The following DACH2 variants were observed in gnomAD, a reference collection of about 807,000 sequenced individuals.
DACH2 encodes the protein dachshund family transcription factor 2, also known as dachshund homolog 2.
In DACH2, 17 loss-of-function variants were observed where a neutral mutation model predicts 35.8. The ratio of observed to expected loss-of-function variants is 0.48; its 90% CI spans 0.33 to 0.71. The LOEUF is 0.71. DACH2 is among the 30% of genes least tolerant of loss of function. The probability of loss-of-function intolerance (pLI) is 0.02; values close to 1 mark genes in which losing one functional copy is unlikely to be tolerated. For synonymous variants in DACH2, 195 were observed against 177.3 expected, an observed-to-expected ratio of 1.10 and a Z score of -0.79; for missense variants, 469 against 472.7, an observed-to-expected ratio of 0.99 and a Z score of 0.07.
intron 4 of DACH2, among the ~76,000 whole-genome samples, chrX:86,671,825 T>C (rs1028806734): frequency 2.7e-5 from 3 of 111,829 alleles, no homozygotes; most frequent in African/African-American, 9.7e-5. Context: ...AACTGGGTAA[T>C]GGGCAGAGGT....
intron 7 of DACH2, among the ~76,000 whole-genome samples, chrX:86,789,989 T>A (rs2042172627): frequency 8.9e-6 from 1 of 112,034 alleles, no homozygotes; most frequent in African/African-American, 3.2e-5. Context: ...TTTTAGATAA[T>A]ACTTCAGTAC....
At chrX:86,554,769 G>A (rs1169621338) in intron 3 of DACH2, among the ~76,000 whole-genome samples, 2 of 111,375 alleles carry the variant, frequency 1.8e-5, no homozygotes, top group Non-Finnish European at 3.8e-5. Flanking sequence ...AGTCATGCTT[G>A]CCCTGCTTAT....
At chrX:86,475,640 T>G (rs1196161985) in intron 2 of DACH2, among the ~76,000 whole-genome samples, 2 of 111,923 alleles carry the variant, frequency 1.8e-5, no homozygotes, top group Non-Finnish European at 3.8e-5. Flanking sequence ...CAATGACAAT[T>G]TGACTTCTTC....
chrX:86,693,618 A>T (rs1255887561), intron 4 of DACH2, among the ~76,000 whole-genome samples: 1 of 112,402 alleles, frequency 8.9e-6, no homozygotes, highest in African/African-American at 3.2e-5. Flanking sequence ...TTGAGGAGGA[A>T]TGCCAATTGG....
chrX:86,323,714 A>G (rs1331216602), intron 1 of DACH2, among the ~76,000 whole-genome samples: 1 of 111,644 alleles, frequency 9.0e-6, no homozygotes, highest in African/African-American at 3.3e-5. Flanking sequence ...CAGTTGCTCC[A>G]GGACCTATTC....
intron 5 of DACH2, among the ~76,000 whole-genome samples, chrX:86,707,172 A>G (rs754291641): frequency 9.0e-6 from 1 of 111,129 alleles, no homozygotes; most frequent in East Asian, 2.8e-4. Context: ...TTATCCTATG[A>G]CATTAAAATG....
At position 86,684,354 on chromosome X, in the gene DACH2, T is replaced by G. The variant is rs780944926; in HGVS notation, c.773-10667T>G. 2.7e-5 allele frequency among the ~76,000 whole-genome samples: 3 copies of G among 111,757 alleles called. No homozygotes were observed. In the East Asian group the frequency reaches 8.4e-4, roughly 31 times the overall value. Reference sequence around the variant, plus strand: ...AAAAGAAGAGATGAATTATTCTGCCTCCTTCTATGTGGCCAGTCTTGCCCT... The same window carrying G: ...AAAAGAAGAGATGAATTATTCTGCCGCCTTCTATGTGGCCAGTCTTGCCCT... On this transcript the variant is annotated intron_variant, in intron 4 of 11. Transcript: ENST00000373125.
In DACH2 at chrX:86,686,884, A is replaced by C. The variant is rs139298406; in HGVS notation, c.773-8137A>C. 5.6e-3 allele frequency among the ~76,000 whole-genome samples: 627 copies of C among 112,215 alleles called. 5 individuals carry two copies. Among genetic ancestry groups the C allele is most frequent in the African/African-American group, 0.019 (596 of 30,902 alleles). On this transcript the variant is annotated intron_variant, in intron 4 of 11. Transcript: ENST00000373125. The stretch of plus-strand genomic sequence containing the variant: ...CTCAATAATGTGATGTTTAAGTTTT[A>C]GCCACTGTGCTTTAAAGTGGCACTC...
intron 4 of DACH2, among the ~76,000 whole-genome samples, chrX:86,679,629 T>A (rs1279978240): frequency 9.4e-6 from 1 of 106,023 alleles, no homozygotes; most frequent in African/African-American, 3.5e-5. Context: ...TGTGTGTGTG[T>A]GTGTGTGTGT....
At chrX:86,316,186 T>C (rs1042984740) in intron 1 of DACH2, among the ~76,000 whole-genome samples, 5 of 110,665 alleles carry the variant, frequency 4.5e-5, no homozygotes, top group African/African-American at 1.6e-4. Flanking sequence ...CCCAGACATC[T>C]TCTTACAGCT....
chrX:86,825,746 A>G (rs763625823), intron 11 of DACH2, among the ~76,000 whole-genome samples: 1 of 111,970 alleles, frequency 8.9e-6, no homozygotes, highest in East Asian at 2.8e-4. Flanking sequence ...CAACAGTTGC[A>G]GATCTCTGTA....
At position 86,570,693 on chromosome X, in the gene DACH2, A is replaced by G. The variant is rs773291547; in HGVS notation, c.640+56302A>G. On this transcript the variant is annotated intron_variant, in intron 3 of 11. Coordinates refer to ENST00000373125, the MANE Select transcript of DACH2 (RefSeq NM_053281.3). Reference sequence around the variant, plus strand: ...AAACCACCATGGCACACGTTTACCTATGTAACAGACCTCACATCCTGCACA... The same window carrying G: ...AAACCACCATGGCACACGTTTACCTGTGTAACAGACCTCACATCCTGCACA... Among the ~76,000 whole-genome samples, 88 of 110,445 alleles carry G rather than the reference A, an allele frequency of 8.0e-4. 1 individual carries two copies. The highest frequency in any genetic ancestry group is 1.6e-3 in the Admixed American group (16 of 10,319).
chrX:86,729,977 C>T (rs931086421), intron 6 of DACH2, among the ~76,000 whole-genome samples: 1 of 110,371 alleles, frequency 9.1e-6, no homozygotes, highest in Non-Finnish European at 1.9e-5. Context: ...GCAAGAACTG[C>T]ATAACACATC....
chrX:86,638,704 T>C (rs1388354151), intron 3 of DACH2, among the ~76,000 whole-genome samples: 1 of 111,924 alleles, frequency 8.9e-6, no homozygotes, highest in East Asian at 2.8e-4. Flanking sequence ...AATACCATAA[T>C]GAGATATTAT....
chrX:86,429,522 T>C (rs1703868433), intron 2 of DACH2, among the ~76,000 whole-genome samples: 1 of 108,010 alleles, frequency 9.3e-6, no homozygotes, highest in African/African-American at 3.3e-5. Context: ...ATAAAATGAC[T>C]TTTCTAGAGT....
At chrX:86,402,703 T>C (rs781103628) in intron 2 of DACH2, among the ~76,000 whole-genome samples, 8 of 110,919 alleles carry the variant, frequency 7.2e-5, no homozygotes, top group Non-Finnish European at 1.3e-4. Context: ...TAGAACCAAA[T>C]AAAAAGAGCC....
At chrX:86,365,962 G>A (rs2035800977) in intron 1 of DACH2, among the ~76,000 whole-genome samples, 1 of 111,646 alleles carries the variant, frequency 9.0e-6, no homozygotes, top group Admixed American at 9.5e-5. Context: ...TCAAAGATTA[G>A]CAAGTTATTT....
At chrX:86,655,604 T>C (rs1343773624) in intron 4 of DACH2, among the ~76,000 whole-genome samples, 8 of 111,360 alleles carry the variant, frequency 7.2e-5, no homozygotes, top group African/African-American at 2.3e-4. Flanking sequence ...AAATTCAATT[T>C]CATATATATT....
chrX:86,789,030 T>A (rs190987861), intron 7 of DACH2, among the ~76,000 whole-genome samples: 1 of 111,990 alleles, frequency 8.9e-6, no homozygotes, highest in Non-Finnish European at 1.9e-5. Context: ...GTCTACATCT[T>A]AAGAGGTTTT....
Sources: allele counts gnomAD v4.1 joint callset (sites outside exome capture counted in the v4.1 genomes callset), GRCh38; gene constraint gnomAD v4.1.1; transcripts MANE v1.5; gene names NCBI Gene and HGNC (gene_info 2026-07-23, HGNC 2026-07-21).